The following LCOR variants were observed in gnomAD, a reference collection of about 807,000 sequenced individuals.
LCOR encodes the protein ligand dependent nuclear receptor corepressor.
Under a neutral mutation model 64.4 loss-of-function variants are expected in LCOR, and 14 were observed. That is an observed-to-expected ratio of 0.22 (90% CI 0.14 to 0.34). LCOR has a LOEUF of 0.34. LCOR is among the 10% of genes least tolerant of loss of function. The pLI is 1.00. For synonymous variants in LCOR, 643 were observed against 642.5 expected, an observed-to-expected ratio of 1.00 and a Z score of -0.01; for missense variants, 1,686 against 1,765.3, an observed-to-expected ratio of 0.96 and a Z score of 0.80.
intron 4 of LCOR, among the ~76,000 whole-genome samples, chr10:96,912,895 T>C (rs1458556086): frequency 6.6e-6 from 1 of 151,836 alleles, no homozygotes; most frequent in Non-Finnish European, 1.5e-5. Flanking sequence ...CCCTATGTTG[T>C]TGTTTTAATA....
At chr10:96,900,777 G>T (rs1414431893) in intron 2 of LCOR, among the ~76,000 whole-genome samples, 1 of 151,670 alleles carries the variant, frequency 6.6e-6, no homozygotes, top group Non-Finnish European at 1.5e-5. Context: ...CCAAATCAGA[G>T]AATATCTATA....
At chr10:96,909,260 C>G (rs887036022) in intron 4 of LCOR, among the ~76,000 whole-genome samples, 1 of 152,152 alleles carries the variant, frequency 6.6e-6, no homozygotes, top group Non-Finnish European at 1.5e-5. Context: ...ATTCATTAGC[C>G]TAACAGTGCC....
chr10:96,975,559 C>A (rs1000162835), intron 7 of LCOR, among the ~76,000 whole-genome samples: 1 of 151,586 alleles, frequency 6.6e-6, no homozygotes, highest in Non-Finnish European at 1.5e-5. Context: ...GAAGAAAACT[C>A]AGGAAGCATC....
chr10:96,881,606 G>A (rs1846263841), intron 2 of LCOR, among the ~76,000 whole-genome samples: 1 of 151,918 alleles, frequency 6.6e-6, no homozygotes, highest in Non-Finnish European at 1.5e-5. Context: ...ACAGGTGCCC[G>A]CCACCACGCC....
chr10:96,921,244 T>C (rs1847076224), intron 4 of LCOR, among the ~76,000 whole-genome samples: 1 of 152,200 alleles, frequency 6.6e-6, no homozygotes, highest in Non-Finnish European at 1.5e-5. Context: ...TTTAAAAATT[T>C]GATTTAATTC....
chr10:96,886,882 A>C (rs549778058), intron 2 of LCOR, among the ~76,000 whole-genome samples: 1 of 152,198 alleles, frequency 6.6e-6, no homozygotes, highest in African/African-American at 2.4e-5. Context: ...TTTACTCAGC[A>C]AATTGGGACC....
chr10:96,916,136 A>C (rs773658381), intron 4 of LCOR, among the ~76,000 whole-genome samples: 1 of 152,040 alleles, frequency 6.6e-6, no homozygotes, highest in Non-Finnish European at 1.5e-5. Context: ...GGTTCACCCA[A>C]TTCTCCTGCC....
At chr10:96,923,366 A>C (rs570363075) in intron 4 of LCOR, among the ~76,000 whole-genome samples, 1 of 152,142 alleles carries the variant, frequency 6.6e-6, no homozygotes, top group South Asian at 2.1e-4. Flanking sequence ...ATATTACCTA[A>C]ATTTGGAGAA....
chr10:96,891,783 A>G (rs1036187995), intron 2 of LCOR, among the ~76,000 whole-genome samples: 38 of 151,892 alleles, frequency 2.5e-4, no homozygotes, highest in Non-Finnish European at 5.9e-5. Flanking sequence ...ACCTCAGGTG[A>G]TCACCTGCCT....
intron 4 of LCOR, among the ~76,000 whole-genome samples, chr10:96,915,152 T>C (rs1371600648): frequency 6.6e-6 from 1 of 152,214 alleles, no homozygotes; most frequent in African/African-American, 2.4e-5. Flanking sequence ...AGACATTCTA[T>C]TAGTGACCTA....
At chr10:96,972,622 A>G (rs1478174545) in intron 7 of LCOR, among the ~76,000 whole-genome samples, 1 of 152,180 alleles carries the variant, frequency 6.6e-6, no homozygotes, top group African/African-American at 2.4e-5. Context: ...TAATTTAATA[A>G]ATTTGACAAT....
chr10:96,881,946 T>G (rs1846269935), intron 2 of LCOR, among the ~76,000 whole-genome samples: 1 of 152,192 alleles, frequency 6.6e-6, no homozygotes, highest in Non-Finnish European at 1.5e-5. Flanking sequence ...ATTTATTTGT[T>G]TTTAGTTGAT....
intron 2 of LCOR, among the ~76,000 whole-genome samples, chr10:96,878,148 G>A (rs538855920): frequency 1.3e-5 from 2 of 152,158 alleles, no homozygotes; most frequent in Non-Finnish European, 2.9e-5. Flanking sequence ...AGGTGTATAG[G>A]CCATTGTGAC....
intron 2 of LCOR, among the ~76,000 whole-genome samples, chr10:96,901,150 C>T (rs1056179017): frequency 6.6e-6 from 1 of 151,842 alleles, no homozygotes; most frequent in African/African-American, 2.4e-5. Flanking sequence ...GATCACGCCA[C>T]TGCACTCCAG....
Position 96,957,426 on chromosome 10 carries a change from A to G in LCOR, c.332+5230A>G, listed in dbSNP as rs184009457. 6.3e-5 allele frequency: 62 copies of G among 985,274 alleles called. No individual in the cohort carries two copies. In the African/African-American group the frequency reaches 1.0e-3, roughly 17 times the overall value. 61.0% of individuals were successfully genotyped at this position (985,274 alleles called of 1,614,324 possible). The stretch of plus-strand genomic sequence containing the variant: ...GTTTTTGCAAGAATAAGCAAAGCCC[A>G]TGGAATTTAATTTTTCATTGTGATC... On this transcript the variant is annotated intron_variant, in intron 7 of 7. Transcript: ENST00000421806.
intron 4 of LCOR, among the ~76,000 whole-genome samples, chr10:96,917,202 C>G (rs563624448): frequency 1.3e-5 from 2 of 152,264 alleles, no homozygotes; most frequent in South Asian, 2.1e-4. Flanking sequence ...CTGCTCTGTT[C>G]AGTTTTATGT....
chr10:96,980,683 C>CA, intron 7 of LCOR, 110 bp from the exon 8 acceptor site: 1 of 591,382 alleles, frequency 1.7e-6, no homozygotes, highest in Non-Finnish European at 3.0e-6. Context: ...CCTGTATCTA[C>CA]AAAAAATAAA....
intron 4 of LCOR, among the ~76,000 whole-genome samples, chr10:96,925,330 C>T (rs936728041): frequency 2.6e-5 from 4 of 152,138 alleles, no homozygotes; most frequent in Non-Finnish European, 5.9e-5. Context: ...CTGCCTCGGC[C>T]TCCCAAAGTG....
intron 7 of LCOR, chr10:96,959,214 T>C (rs545161974): frequency 1.3e-4 from 20 of 152,256 alleles, no homozygotes; most frequent in African/African-American, 4.3e-4. Context: ...TAATAGAGAT[T>C]GGTCTATTAG....
Sources: allele counts gnomAD v4.1 joint callset (sites outside exome capture counted in the v4.1 genomes callset), GRCh38; gene constraint gnomAD v4.1.1; transcripts MANE v1.5; gene names NCBI Gene and HGNC (gene_info 2026-07-23, HGNC 2026-07-21).